NBEA: variants seen among roughly 807,000 people sequenced by gnomAD.
The protein encoded by NBEA is lysosomal-trafficking regulator 2.
Under a neutral mutation model 343.4 loss-of-function variants are expected in NBEA, and 44 were observed. That is an observed-to-expected ratio of 0.13 (90% CI 0.10 to 0.16). NBEA has a LOEUF of 0.16. Ranked by LOEUF, NBEA falls within the 10% of genes least tolerant of loss-of-function variation. NBEA has a pLI of 1.00. For synonymous variants in NBEA, 1,175 were observed against 1,238.7 expected, an observed-to-expected ratio of 0.95 and a Z score of 1.08; for missense variants, 2,555 against 3,631.3, an observed-to-expected ratio of 0.70 and a Z score of 7.62.
At chr13:34,943,813 G>T (rs1192146324) in intron 1 of NBEA, among the ~76,000 whole-genome samples, 8 of 152,090 alleles carry the variant, frequency 5.3e-5, no homozygotes, top group African/African-American at 1.9e-4. Flanking sequence ...TGATTTCTGT[G>T]GTTACTTTCA....
At chr13:35,607,608 T>C (rs1407197613) in intron 48 of NBEA, among the ~76,000 whole-genome samples, 4 of 152,228 alleles carry the variant, frequency 2.6e-5, no homozygotes, top group Non-Finnish European at 4.4e-5. Flanking sequence ...AAATATATTT[T>C]ATTTTGTTTT....
chr13:35,089,970 T>G, intron 10 of NBEA, among the ~76,000 whole-genome samples: 2 of 147,392 alleles, frequency 1.4e-5, no homozygotes, highest in Admixed American at 6.8e-5. Context: ...AGATGACGAG[T>G]TAGTGGGTGC....
At chr13:35,418,656 A>G (rs2044094350) in intron 38 of NBEA, among the ~76,000 whole-genome samples, 1 of 152,076 alleles carries the variant, frequency 6.6e-6, no homozygotes, top group South Asian at 2.1e-4. Flanking sequence ...ATGATATCCT[A>G]GATTGGTAAC....
intron 1 of NBEA, among the ~76,000 whole-genome samples, chr13:34,991,345 C>G (rs1282395564): frequency 6.6e-6 from 1 of 152,186 alleles, no homozygotes; most frequent in Non-Finnish European, 1.5e-5. Context: ...TTCAGTTCCA[C>G]AGACTGTACA....
intron 49 of NBEA, among the ~76,000 whole-genome samples, chr13:35,631,289 CT>C (rs1299397637): frequency 6.6e-6 from 1 of 152,058 alleles, no homozygotes; most frequent in African/African-American, 2.4e-5. Context: ...GGCACAATAC[CT>C]TTTTTTAAAA....
intron 41 of NBEA, among the ~76,000 whole-genome samples, chr13:35,507,540 C>A (rs927331332): frequency 1.3e-5 from 2 of 152,058 alleles, no homozygotes; most frequent in Admixed American, 1.3e-4. Flanking sequence ...TCCCAATTCC[C>A]AAAATATTGC....
intron 37 of NBEA, among the ~76,000 whole-genome samples, chr13:35,351,265 T>C (rs751770688): frequency 5.9e-5 from 9 of 151,994 alleles, no homozygotes; most frequent in Non-Finnish European, 1.3e-4. Flanking sequence ...TTTTTCTTCC[T>C]AGTTATATTA....
At chr13:35,539,744 G>A (rs1459269891) in intron 41 of NBEA, among the ~76,000 whole-genome samples, 4 of 150,398 alleles carry the variant, frequency 2.7e-5, no homozygotes, top group African/African-American at 7.3e-5. Context: ...GTGAAACCCC[G>A]TCTCTACTAA....
intron 13 of NBEA, among the ~76,000 whole-genome samples, chr13:35,113,627 A>ATCTATCTATCTATCTATCTG (rs138177740): frequency 3.1e-4 from 46 of 150,720 alleles, no homozygotes; most frequent in African/African-American, 9.2e-4. Flanking sequence ...CTATCTATCT[A>ATCTATCTATCTATCTATCTG]TCTGTCTGTC....
chr13:35,288,167 T>G (rs1209074658), intron 34 of NBEA, among the ~76,000 whole-genome samples: 2 of 152,054 alleles, frequency 1.3e-5, no homozygotes, highest in Admixed American at 1.3e-4. Flanking sequence ...AATATTTGTC[T>G]CATGCATATA....
At chr13:35,149,932 G>A (rs890151145) in intron 18 of NBEA, among the ~76,000 whole-genome samples, 9 of 152,058 alleles carry the variant, frequency 5.9e-5, no homozygotes, top group East Asian at 1.9e-4. Context: ...GTACAGCAGC[G>A]TTTTTACCCA....
intron 51 of NBEA, among the ~76,000 whole-genome samples, chr13:35,647,938 T>A (rs2084317227): frequency 6.6e-6 from 1 of 152,088 alleles, no homozygotes; most frequent in Non-Finnish European, 1.5e-5. Flanking sequence ...TATAGCGCCA[T>A]GATCATGGCT....
intron 1 of NBEA, among the ~76,000 whole-genome samples, chr13:34,977,716 G>T (rs761725080): frequency 2.0e-5 from 3 of 152,154 alleles, no homozygotes; most frequent in Non-Finnish European, 4.4e-5. Context: ...CCAGATGAAG[G>T]CTAATGAGGT....
intron 32 of NBEA, among the ~76,000 whole-genome samples, chr13:35,209,396 A>G (rs1393117406): frequency 1.3e-5 from 2 of 152,202 alleles, no homozygotes; most frequent in Non-Finnish European, 1.5e-5. Flanking sequence ...TAATTCATAT[A>G]CATAGATTAT....
intron 33 of NBEA, among the ~76,000 whole-genome samples, chr13:35,216,262 GATTGAGTGTCT>G (rs1287609491): frequency 4.0e-5 from 6 of 151,616 alleles, no homozygotes; most frequent in Non-Finnish European, 4.4e-5. Flanking sequence ...TGGAAACTGA[GATTGAGTGTCT>G]ATAAACTGTG....
chr13:35,635,563 G>A (rs756751445), intron 49 of NBEA, among the ~76,000 whole-genome samples: 11 of 152,138 alleles, frequency 7.2e-5, no homozygotes, highest in African/African-American at 9.7e-5. Context: ...GTGAAAATAC[G>A]TATTTGGTGT....
chr13:35,632,497 T>C (rs2083494444), intron 49 of NBEA, among the ~76,000 whole-genome samples: 1 of 152,144 alleles, frequency 6.6e-6, no homozygotes, highest in Admixed American at 6.5e-5. Flanking sequence ...GGAAAGCTTT[T>C]TTTTTTTCCC....
intron 10 of NBEA, among the ~76,000 whole-genome samples, chr13:35,074,120 T>C (rs2152580545): frequency 6.6e-6 from 1 of 152,306 alleles, no homozygotes; most frequent in Admixed American, 6.5e-5. Context: ...TTAGTATTTA[T>C]TACTAGTACA....
intron 41 of NBEA, among the ~76,000 whole-genome samples, chr13:35,484,790 A>G (rs2076253505): frequency 6.6e-6 from 1 of 152,108 alleles, no homozygotes; most frequent in South Asian, 2.1e-4. Flanking sequence ...CATTAACACA[A>G]AAATTAGTTT....
Sources: allele counts gnomAD v4.1 joint callset (sites outside exome capture counted in the v4.1 genomes callset), GRCh38; gene constraint gnomAD v4.1.1; transcripts MANE v1.5; gene names NCBI Gene and HGNC (gene_info 2026-07-23, HGNC 2026-07-21).